The following TMEM236 variants were observed in gnomAD, a reference collection of about 807,000 sequenced individuals.
TMEM236 encodes the protein family with sequence similarity 23, member A.
In TMEM236, 11 loss-of-function variants were observed where a neutral mutation model predicts 14.7. The ratio of observed to expected loss-of-function variants is 0.75; its 90% confidence interval spans 0.47 to 1.24. The LOEUF is 1.24. TMEM236 is among the 50% of genes most tolerant of loss of function. The pLI is 0.00. For synonymous variants in TMEM236, 182 were observed against 168.6 expected (o/e 1.08, Z -0.62); for missense variants, 464 against 427.3 (o/e 1.09, Z -0.76).
intron 3 of TMEM236, among the ~76,000 whole-genome samples, chr10:17,786,079 GT>G (rs1380917023): frequency 0.067 from 10,169 of 151,964 alleles, 1,130 homozygotes; most frequent in African/African-American, 0.23. Flanking sequence ...TAAATTGTTT[GT>G]TTTTCCTAAG....
In TMEM236 at chr10:17,798,428, A is replaced by G. The variant is rs1403672036; in HGVS notation, c.*1924A>G. On this transcript the variant is annotated 3_prime_UTR_variant, in exon 4 of 4. Coordinates refer to ENST00000377495, the MANE Select transcript of TMEM236 (RefSeq NM_001098844.3). ...GTGATCTGCAACTATAGTCCCAGCT[A>G]CTTAGGAGGCTGGGGCAGGAAGATT... The G allele has an allele frequency of 4.9e-6, 2 of 408,084 alleles. No individual in the cohort carries two copies. Among genetic ancestry groups the G allele is most frequent in the Non-Finnish European group, 9.7e-6 (2 of 205,202 alleles). 25.3% of individuals were successfully genotyped at this position (408,084 alleles called of 1,614,324 possible). A position where few individuals can be genotyped will look rare whatever the true frequency, so the allele number is the denominator to read the frequency against.
At chr10:17,761,839 A>G (rs1387475991) in intron 1 of TMEM236, among the ~76,000 whole-genome samples, 2 of 152,220 alleles carry the variant, frequency 1.3e-5, no homozygotes, top group Non-Finnish European at 2.9e-5. Flanking sequence ...TTCGTCTTCA[A>G]AATGATTTCT....
At chr10:17,768,933 A>G (rs1211956488) in intron 1 of TMEM236, among the ~76,000 whole-genome samples, 1 of 152,178 alleles carries the variant, frequency 6.6e-6, no homozygotes, top group Admixed American at 6.5e-5. Context: ...GAAATTTACC[A>G]TCTTAATCAT....
intron 3 of TMEM236, among the ~76,000 whole-genome samples, chr10:17,786,552 G>C (rs901293288): frequency 6.6e-6 from 1 of 152,152 alleles, no homozygotes; most frequent in South Asian, 2.1e-4. Context: ...TGTTGATATT[G>C]TGTGTATACT....
Position 17,799,890 on chromosome 10 carries a change from G to T in TMEM236, c.*3386G>T, listed in dbSNP as rs1221407919. 1 of 152,522 alleles carries T rather than the reference G, an allele frequency of 6.6e-6. No homozygotes were observed. Among genetic ancestry groups the T allele is most frequent in the Non-Finnish European group, 1.5e-5 (1 of 68,030 alleles). The allele number at this position is 152,522 out of a possible 1,614,324, so 9.4% of individuals were successfully genotyped here. A position where few individuals can be genotyped will look rare whatever the true frequency, so the allele number is the denominator to read the frequency against. On this transcript the variant is annotated 3_prime_UTR_variant, in exon 4 of 4. Transcript: ENST00000377495. ...ATGTACAGAAGATTATGTGTAGGAG[G>T]AAAATTGAGTAGCTAATTTAATTTC...
At chr10:17,759,625 ATT>A (rs1837327455) in intron 1 of TMEM236, among the ~76,000 whole-genome samples, 1 of 152,276 alleles carries the variant, frequency 6.6e-6, no homozygotes, top group Non-Finnish European at 1.5e-5. Context: ...ACCAGGCATA[ATT>A]TTAAACACAT....
chr10:17,752,951 T>C (rs955033752), intron 1 of TMEM236, among the ~76,000 whole-genome samples: 1 of 152,196 alleles, frequency 6.6e-6, no homozygotes, highest in South Asian at 2.1e-4. Context: ...TTGTTTGTTT[T>C]AACTTTAAAG....
At chr10:17,784,111 G>C (rs978467559) in intron 3 of TMEM236, among the ~76,000 whole-genome samples, 5 of 152,006 alleles carry the variant, frequency 3.3e-5, no homozygotes, top group Admixed American at 3.3e-4. Flanking sequence ...CAAGCTATTA[G>C]TATTTCTGTA....
chr10:17,784,695 G>C (rs1336724296), intron 3 of TMEM236, among the ~76,000 whole-genome samples: 2 of 152,130 alleles, frequency 1.3e-5, no homozygotes, highest in South Asian at 2.1e-4. Flanking sequence ...GAAAATAATA[G>C]GAGTGGATAG....
intron 2 of TMEM236, among the ~76,000 whole-genome samples, chr10:17,774,325 G>T (rs951604852): frequency 6.6e-6 from 1 of 152,204 alleles, no homozygotes; most frequent in African/African-American, 2.4e-5. Flanking sequence ...GATTTCAGGT[G>T]TGAGTCACTG....
At chr10:17,755,408 T>C (rs1352455710) in intron 1 of TMEM236, among the ~76,000 whole-genome samples, 7 of 152,162 alleles carry the variant, frequency 4.6e-5, no homozygotes, top group African/African-American at 1.7e-4. Flanking sequence ...GATGGAGAGC[T>C]GACATGTGAA....
At chr10:17,787,339 C>G (rs548194178) in intron 3 of TMEM236, among the ~76,000 whole-genome samples, 3 of 152,354 alleles carry the variant, frequency 2.0e-5, no homozygotes, top group East Asian at 3.9e-4. Context: ...CGGTCCCCAG[C>G]CTGTGCTGCC....
chr10:17,770,422 C>T (rs970029749), intron 1 of TMEM236, among the ~76,000 whole-genome samples: 5 of 152,186 alleles, frequency 3.3e-5, no homozygotes, highest in African/African-American at 4.8e-5. Context: ...CTCGCTCTGT[C>T]GCCCAGGCTG....
intron 1 of TMEM236, among the ~76,000 whole-genome samples, chr10:17,764,106 G>A (rs899667594): frequency 2.6e-5 from 4 of 152,140 alleles, no homozygotes; most frequent in African/African-American, 7.2e-5. Flanking sequence ...GCAGGGAAAC[G>A]TTAACTTCAT....
At chr10:17,772,631 A>G (rs1837591748) in intron 2 of TMEM236, among the ~76,000 whole-genome samples, 1 of 152,136 alleles carries the variant, frequency 6.6e-6, no homozygotes, top group Non-Finnish European at 1.5e-5. Flanking sequence ...TATAACACAT[A>G]AACAGAAAAG....
intron 3 of TMEM236, among the ~76,000 whole-genome samples, chr10:17,781,510 G>A (rs1837747234): frequency 6.6e-6 from 1 of 152,054 alleles, no homozygotes; most frequent in Non-Finnish European, 1.5e-5. Context: ...GGCTGAGGTT[G>A]GGGGTGGGGG....
intron 2 of TMEM236, 148 bp from the exon 3 acceptor site, chr10:17,775,881 T>C: frequency 1.0e-6 from 1 of 965,572 alleles, no homozygotes; most frequent in Non-Finnish European, 1.6e-6. Flanking sequence ...CCTTGTGGCA[T>C]TTAAAACCTG....
chr10:17,788,970 T>C (rs1404406999), intron 3 of TMEM236, among the ~76,000 whole-genome samples: 1 of 152,146 alleles, frequency 6.6e-6, no homozygotes, highest in Non-Finnish European at 1.5e-5. Flanking sequence ...GTTTAATCAG[T>C]TGCCTTTGTG....
At chr10:17,754,553 C>T (rs1490063242) in intron 1 of TMEM236, among the ~76,000 whole-genome samples, 1 of 152,136 alleles carries the variant, frequency 6.6e-6, no homozygotes, top group Admixed American at 6.5e-5. Flanking sequence ...TTCCAAACTC[C>T]TGGGCTCAAA....
Sources: allele counts gnomAD v4.1 joint callset (sites outside exome capture counted in the v4.1 genomes callset), GRCh38; gene constraint gnomAD v4.1.1; transcripts MANE v1.5; gene names NCBI Gene and HGNC (gene_info 2026-07-23, HGNC 2026-07-21).